Variants in CNTNAP2 observed in about 807,000 individuals in gnomAD.
CNTNAP2 encodes the protein contactin-associated protein-like 2.
A neutral mutation model predicts 155.2 loss-of-function variants in CNTNAP2; 98 were observed. The ratio of observed to expected loss-of-function variants is 0.63; its 90% CI spans 0.54 to 0.75. CNTNAP2 has a LOEUF of 0.75. CNTNAP2 is among the 30% of genes least tolerant of loss of function. The pLI is 0.00. For synonymous variants in CNTNAP2, 651 were observed against 631.2 expected (o/e 1.03, Z -0.47); for missense variants, 1,727 against 1,688.1 (o/e 1.02, Z -0.40).
intron 8 of CNTNAP2, among the ~76,000 whole-genome samples, chr7:147,193,553 C>G (rs1802722973): frequency 6.6e-6 from 1 of 152,086 alleles, no homozygotes; most frequent in Admixed American, 6.6e-5. Context: ...TTGTAAGAGT[C>G]ATGATTTAGA....
intron 1 of CNTNAP2, among the ~76,000 whole-genome samples, chr7:146,590,296 T>A (rs1327209466): frequency 2.0e-5 from 3 of 152,176 alleles, no homozygotes; most frequent in Non-Finnish European, 4.4e-5. Flanking sequence ...TTATCAGGAA[T>A]GTCTGCTCTA....
At chr7:147,599,728 CAT>C (rs1352439459) in intron 12 of CNTNAP2, among the ~76,000 whole-genome samples, 5 of 152,078 alleles carry the variant, frequency 3.3e-5, no homozygotes, top group African/African-American at 1.2e-4. Context: ...TGGTATTCTC[CAT>C]GTGTGTGTCC....
At chr7:148,353,223 C>A (rs1235250848) in intron 21 of CNTNAP2, among the ~76,000 whole-genome samples, 1 of 152,148 alleles carries the variant, frequency 6.6e-6, no homozygotes, top group Non-Finnish European at 1.5e-5. Context: ...CTGAAGTGTT[C>A]CCCCTCAGAA....
intron 3 of CNTNAP2, among the ~76,000 whole-genome samples, chr7:147,030,208 G>A (rs1461482853): frequency 6.6e-6 from 1 of 152,130 alleles, no homozygotes; most frequent in Non-Finnish European, 1.5e-5. Context: ...GCTACATTGA[G>A]GAAAACTGTA....
chr7:146,298,211 CTTTGT>C (rs947383881), intron 1 of CNTNAP2, among the ~76,000 whole-genome samples: 1 of 151,998 alleles, frequency 6.6e-6, no homozygotes, highest in African/African-American at 2.4e-5. Flanking sequence ...TGGTTTTTTG[CTTTGT>C]TTTGTTTTGT....
At chr7:146,949,336 A>G (rs1346062496) in intron 3 of CNTNAP2, among the ~76,000 whole-genome samples, 2 of 152,200 alleles carry the variant, frequency 1.3e-5, no homozygotes, top group Non-Finnish European at 2.9e-5. Context: ...CTCTTCCAGC[A>G]GTCTTATCCC....
At chr7:146,504,936 T>C (rs1020876688) in intron 1 of CNTNAP2, among the ~76,000 whole-genome samples, 8 of 152,158 alleles carry the variant, frequency 5.3e-5, no homozygotes, top group African/African-American at 1.9e-4. Context: ...GTTCAGACTA[T>C]GGCAGACAAC....
At chr7:146,859,717 G>A (rs4145383) in intron 3 of CNTNAP2, among the ~76,000 whole-genome samples, 147,350 of 152,232 alleles carry the variant, frequency 0.97, 71,355 homozygotes, top group East Asian at 1. Flanking sequence ...CTGACTCTAA[G>A]CTTAATTCCA....
At chr7:147,353,146 CAT>C (rs777357161) in intron 9 of CNTNAP2, among the ~76,000 whole-genome samples, 2 of 148,554 alleles carry the variant, frequency 1.3e-5, no homozygotes, top group Non-Finnish European at 3.0e-5. Context: ...CGTATATGTA[CAT>C]ATATATATGT....
intron 1 of CNTNAP2, among the ~76,000 whole-genome samples, chr7:146,390,245 T>C (rs897882804): frequency 3.3e-5 from 5 of 152,108 alleles, no homozygotes; most frequent in East Asian, 1.9e-4. Flanking sequence ...TATTTGTAAA[T>C]TTACTTTTAG....
intron 1 of CNTNAP2, among the ~76,000 whole-genome samples, chr7:146,397,870 G>GGTTTTTTT (rs1554428065): frequency 2.6e-5 from 3 of 117,496 alleles, no homozygotes; most frequent in African/African-American, 1.4e-4. Flanking sequence ...AATTTGACAG[G>GGTTTTTTT]CTTTTATTTA....
chr7:147,736,949 T>C (rs1170409432), intron 13 of CNTNAP2, among the ~76,000 whole-genome samples: 1 of 152,208 alleles, frequency 6.6e-6, no homozygotes, highest in Non-Finnish European at 1.5e-5. Context: ...ATTTTTAACT[T>C]CTTTGCCATG....
intron 1 of CNTNAP2, among the ~76,000 whole-genome samples, chr7:146,550,415 T>TTTTG (rs1554447444): frequency 2.0e-4 from 23 of 115,820 alleles, no homozygotes; most frequent in South Asian, 1.9e-3. Flanking sequence ...TTTTTTTTTT[T>TTTTG]TTTTTTTTTT....
At chr7:147,919,664 T>A (rs1800231819) in intron 14 of CNTNAP2, among the ~76,000 whole-genome samples, 1 of 151,510 alleles carries the variant, frequency 6.6e-6, no homozygotes, top group Non-Finnish European at 1.5e-5. Flanking sequence ...TTCACAGTGT[T>A]CACTAGGATG....
At chr7:148,363,825 C>A (rs1798672928) in intron 21 of CNTNAP2, among the ~76,000 whole-genome samples, 1 of 145,634 alleles carries the variant, frequency 6.9e-6, no homozygotes, top group Non-Finnish European at 1.5e-5. Context: ...GAGGGAGAGG[C>A]ACGAGCGGGA....
At chr7:146,406,410 T>C (rs1795792396) in intron 1 of CNTNAP2, among the ~76,000 whole-genome samples, 1 of 152,220 alleles carries the variant, frequency 6.6e-6, no homozygotes. Flanking sequence ...TCTTCAGACA[T>C]GGTTGAGGAT....
intron 15 of CNTNAP2, among the ~76,000 whole-genome samples, chr7:147,984,782 G>A (rs1353891344): frequency 1.3e-5 from 2 of 152,202 alleles, no homozygotes; most frequent in East Asian, 3.9e-4. Flanking sequence ...CAGGTTTTGG[G>A]AGCAGGGGAG....
At chr7:147,435,803 T>C (rs573709334) in intron 10 of CNTNAP2, among the ~76,000 whole-genome samples, 6 of 152,300 alleles carry the variant, frequency 3.9e-5, no homozygotes, top group South Asian at 2.1e-4. Flanking sequence ...ATCTGTAGAA[T>C]AGGAATAATA....
At chr7:147,795,676 C>CA (rs1797882130) in intron 13 of CNTNAP2, among the ~76,000 whole-genome samples, 1 of 152,096 alleles carries the variant, frequency 6.6e-6, no homozygotes, top group Non-Finnish European at 1.5e-5. Flanking sequence ...AACATCTTTT[C>CA]AGTTTGGTTC....
Sources: gnomAD v4.1 joint callset for allele counts (sites outside exome capture counted in the v4.1 genomes callset) on GRCh38, gnomAD v4.1.1 for gene constraint, MANE v1.5 for transcripts, NCBI Gene and HGNC (gene_info 2026-07-23, HGNC 2026-07-21) for gene names.